AMOTL1: variants seen among roughly 807,000 people sequenced by gnomAD.
AMOTL1 encodes angiomotin like 1.
AMOTL1 carries 45 observed loss-of-function variants against 102.9 expected under a neutral mutation model. That is an observed-to-expected ratio of 0.44 (90% confidence interval 0.34 to 0.56). The LOEUF (loss-of-function observed/expected upper bound fraction) is 0.56. Ranked by LOEUF, AMOTL1 falls within the 20% of genes least tolerant of loss-of-function variation. The probability of loss-of-function intolerance (pLI) is 0.01; values close to 1 mark genes in which losing one functional copy is unlikely to be tolerated. For missense variants in AMOTL1, 1,114 were observed against 1,225.6 expected (o/e 0.91, Z 1.36); for synonymous variants, 481 against 484.7 (o/e 0.99, Z 0.10).
chr11:94,855,881 G>A (rs905019431), intron 8 of AMOTL1, among the ~76,000 whole-genome samples: 4 of 152,136 alleles, frequency 2.6e-5, no homozygotes, highest in Admixed American at 2.6e-4. Flanking sequence ...GCCAGTAGGG[G>A]ACAGAAATTT....
At chr11:94,787,188 C>G (rs889919285) in intron 1 of AMOTL1, among the ~76,000 whole-genome samples, 1 of 152,020 alleles carries the variant, frequency 6.6e-6, no homozygotes, top group Non-Finnish European at 1.5e-5. Flanking sequence ...GGAAGTGGCA[C>G]TAGAATAGAG....
At chr11:94,813,547 A>C (rs1487329638) in intron 3 of AMOTL1, among the ~76,000 whole-genome samples, 11 of 152,252 alleles carry the variant, frequency 7.2e-5, no homozygotes, top group Admixed American at 7.2e-4. Flanking sequence ...ATCAGTGGGC[A>C]CACCTAAACC....
intron 9 of AMOTL1, among the ~76,000 whole-genome samples, chr11:94,862,203 G>C (rs530362774): frequency 6.6e-6 from 1 of 152,064 alleles, no homozygotes; most frequent in Non-Finnish European, 1.5e-5. Context: ...ACCCCTTCTG[G>C]GTGGGGGAAT....
At chr11:94,773,088 G>A (rs978326876) in intron 1 of AMOTL1, among the ~76,000 whole-genome samples, 7 of 152,172 alleles carry the variant, frequency 4.6e-5, no homozygotes, top group Admixed American at 3.3e-4. Flanking sequence ...AGAGCTTTAA[G>A]AGTTCTTTAT....
At chr11:94,847,844 A>G (rs184553390) in intron 6 of AMOTL1, among the ~76,000 whole-genome samples, 30 of 152,266 alleles carry the variant, frequency 2.0e-4, no homozygotes, top group African/African-American at 7.0e-4. Flanking sequence ...AATAGTGATC[A>G]CTGATTTGCA....
intron 12 of AMOTL1, 49 bp from the exon 13 acceptor site, chr11:94,870,640 A>G (rs772993231): frequency 5.5e-6 from 8 of 1,452,452 alleles, no homozygotes; most frequent in Non-Finnish European, 5.6e-6. Flanking sequence ...TGGAAAGCCT[A>G]TGCCCCTCCT....
chr11:94,838,510 A>T (rs1952228721), intron 6 of AMOTL1, among the ~76,000 whole-genome samples: 1 of 152,206 alleles, frequency 6.6e-6, no homozygotes, highest in Admixed American at 6.5e-5. Context: ...CCATAAACAA[A>T]TGGGTGTAGC....
intron 2 of AMOTL1, among the ~76,000 whole-genome samples, chr11:94,796,111 A>AT (rs772584354): frequency 4.8e-4 from 73 of 152,230 alleles, no homozygotes; most frequent in South Asian, 1.0e-3. Flanking sequence ...ATTGTTTAAA[A>AT]TTTTTTTGCT....
At chr11:94,736,747 G>T (rs1050055746) in intron 2 of AMOTL1, among the ~76,000 whole-genome samples, 2 of 152,152 alleles carry the variant, frequency 1.3e-5, no homozygotes, top group Non-Finnish European at 2.9e-5. Context: ...TTATAACTCA[G>T]TGACACTCCA....
chr11:94,807,763 A>G (rs1344877271), intron 3 of AMOTL1, among the ~76,000 whole-genome samples: 1 of 151,744 alleles, frequency 6.6e-6, no homozygotes, highest in East Asian at 1.9e-4. Flanking sequence ...ACTGATTAGA[A>G]GCAGCTGGCT....
chr11:94,867,105 A>G (rs780349371), intron 11 of AMOTL1, among the ~76,000 whole-genome samples: 4 of 152,176 alleles, frequency 2.6e-5, no homozygotes, highest in Non-Finnish European at 5.9e-5. Context: ...GGTCCTCAGC[A>G]TAAGACCCCA....
intron 3 of AMOTL1, among the ~76,000 whole-genome samples, chr11:94,746,545 C>T (rs1950592232): frequency 6.6e-6 from 1 of 152,196 alleles, no homozygotes; most frequent in Non-Finnish European, 1.5e-5. Flanking sequence ...GTTTCCTCCA[C>T]CTGGATGCCC....
At position 94,866,186 on chromosome 11, in the gene AMOTL1, G is replaced by C. The variant is rs773942097; in HGVS notation, c.2488+18G>C. The C allele has an allele frequency of 5.6e-6, 9 of 1,610,920 alleles. No individual in the cohort carries two copies. The Admixed American group carries it at 1.3e-4, about 24-fold the overall frequency. ...GAGCATAGGTGAGCCCCACACCTCT[G>C]TCAGACCATGATTGGAAAAGCAAGA... is the stretch of plus-strand genomic sequence containing the variant. On this transcript the variant is annotated intron_variant, in intron 11 of 12. Coordinates refer to ENST00000433060, the MANE Select transcript of AMOTL1 (RefSeq NM_130847.3).
At chr11:94,722,645 G>A (rs576300411) in intron 1 of AMOTL1, among the ~76,000 whole-genome samples, 2 of 152,142 alleles carry the variant, frequency 1.3e-5, no homozygotes, top group East Asian at 3.9e-4. Flanking sequence ...TCTCATCCAC[G>A]ATATATATAC....
rs753612943 is a variant in AMOTL1 at position 94,799,386 on chromosome 11, T to C, written c.200-4T>C. The C allele has an allele frequency of 1.3e-6, 2 of 1,552,540 alleles. No individual in the cohort carries two copies. The highest frequency in any genetic ancestry group is 1.7e-6 in the Non-Finnish European group (2 of 1,146,458). ...ATATCTTTTTTCCTATGTTTATCTT[T>C]TAGTTGAAGATCCTCTTTGTAACTT... is the stretch of plus-strand genomic sequence containing the variant. On this transcript the variant is annotated splice_polypyrimidine_tract_variant and splice_region_variant and intron_variant, in intron 2 of 12. Transcript: ENST00000433060. The surrounding 1 kb of genome is among the most constrained non-coding windows in gnomAD (Gnocchi z 4.5).
chr11:94,742,799 C>T (rs1328669732), intron 3 of AMOTL1, among the ~76,000 whole-genome samples: 1 of 152,096 alleles, frequency 6.6e-6, no homozygotes, highest in Admixed American at 6.5e-5. Flanking sequence ...CTGGCAGGTT[C>T]AGTGTCTGGT....
intron 2 of AMOTL1, among the ~76,000 whole-genome samples, chr11:94,735,816 T>C (rs1411752354): frequency 1.3e-5 from 2 of 152,204 alleles, no homozygotes; most frequent in African/African-American, 2.4e-5. Flanking sequence ...TACTCATCTA[T>C]ACCAAATGTT....
chr11:94,751,920 C>T (rs1020856658), intron 3 of AMOTL1, among the ~76,000 whole-genome samples: 11 of 152,060 alleles, frequency 7.2e-5, no homozygotes, highest in South Asian at 4.2e-4. Flanking sequence ...TAAACACAAG[C>T]GTGACTCCCC....
Position 94,870,734 on chromosome 11 carries a change from T to G in AMOTL1, c.2810T>G (p.Val937Gly). The change falls in exon 13 of 13, where the codon GTC (valine) becomes GGC (glycine). Residue 937 changes from valine (V) to glycine (G), a missense_variant. Physicochemically the swap from Val to Gly is moderately radical, Grantham distance 109. Coordinates refer to ENST00000433060, the MANE Select transcript of AMOTL1 (RefSeq NM_130847.3). ...HGKSPDHRGR[V>G]SSLLHKPEFP... Reference sequence around the variant, plus strand: ...AAGTCGCCTGACCACAGAGGCCGGGTCAGCAGCTTGCTGCACAAGCCCGAG... The same window carrying G: ...AAGTCGCCTGACCACAGAGGCCGGGGCAGCAGCTTGCTGCACAAGCCCGAG... 2 of 1,604,582 alleles carry G rather than the reference T, an allele frequency of 1.2e-6. No individual in the cohort carries two copies. Among genetic ancestry groups the G allele is most frequent in the Non-Finnish European group, 1.7e-6 (2 of 1,174,858 alleles).
Sources: allele counts gnomAD v4.1 joint callset (sites outside exome capture counted in the v4.1 genomes callset), GRCh38; gene constraint gnomAD v4.1.1; non-coding constraint Gnocchi (gnomAD v3.1); transcripts MANE v1.5; gene names NCBI Gene and HGNC (gene_info 2026-07-23, HGNC 2026-07-21).